Variants in ABLIM2 observed in about 807,000 individuals in gnomAD.
ABLIM2 encodes the protein actin-binding LIM protein 2.
In ABLIM2, 53 loss-of-function variants were observed where a neutral mutation model predicts 97.7. That is an observed-to-expected ratio of 0.54 (90% CI 0.44 to 0.68). The LOEUF is 0.68. Ranked by LOEUF, ABLIM2 falls within the 30% of genes least tolerant of loss-of-function variation. The pLI is 0.00. For missense variants in ABLIM2, 835 were observed against 867.2 expected (o/e 0.96, Z 0.47); for synonymous variants, 361 against 345.8 (o/e 1.04, Z -0.49).
chr4:8,086,504 C>T (rs1823764591), intron 4 of ABLIM2, among the ~76,000 whole-genome samples: 2 of 152,234 alleles, frequency 1.3e-5, no homozygotes, highest in South Asian at 4.1e-4. Flanking sequence ...GGCACTACCA[C>T]ACCAGGCTAA....
chr4:8,114,577 C>T (rs1439587054), intron 1 of ABLIM2, among the ~76,000 whole-genome samples: 2 of 152,190 alleles, frequency 1.3e-5, no homozygotes, highest in African/African-American at 4.8e-5. Context: ...CCTTCCTAAC[C>T]TACTTAAGGG....
intron 6 of ABLIM2, among the ~76,000 whole-genome samples, chr4:8,065,504 C>T (rs915702845): frequency 5.9e-5 from 9 of 152,208 alleles, no homozygotes; most frequent in African/African-American, 1.9e-4. Flanking sequence ...CTGATGGAAA[C>T]ACAAAACAGT....
chr4:8,100,068 G>C (rs4631023), intron 2 of ABLIM2, among the ~76,000 whole-genome samples: 17,343 of 152,178 alleles, frequency 0.11, 2,152 homozygotes, highest in African/African-American at 0.31. Context: ...TCATTTACGA[G>C]AAACAGGCAG....
chr4:8,134,752 G>A (rs921278151), intron 1 of ABLIM2, among the ~76,000 whole-genome samples: 2 of 152,222 alleles, frequency 1.3e-5, no homozygotes, highest in African/African-American at 2.4e-5. Flanking sequence ...GACCAGGGAC[G>A]AGGGACTTGT....
At chr4:8,064,141 G>T (rs1346764823) in intron 6 of ABLIM2, among the ~76,000 whole-genome samples, 1 of 152,226 alleles carries the variant, frequency 6.6e-6, no homozygotes. Context: ...TCTCGCCATT[G>T]CTCCACAAGC....
chr4:8,131,869 T>TGA (rs1849475865), intron 1 of ABLIM2, among the ~76,000 whole-genome samples: 2 of 104,226 alleles, frequency 1.9e-5, no homozygotes, highest in African/African-American at 7.7e-5. Context: ...CCGCATCCCC[T>TGA]GCACAGCAGC....
At position 8,142,371 on chromosome 4, in the gene ABLIM2, G is replaced by A. The variant is rs1380380226; in HGVS notation, c.10+16309C>T. ...CATCACCCCTGGGGCCAGCACCGAG[G>A]TGCAGCCCAGGGGGTGCACTGGCAG... On this transcript the variant is annotated intron_variant, in intron 1 of 20. Coordinates refer to ENST00000447017, the MANE Select transcript of ABLIM2 (RefSeq NM_001130083.2). Among the ~76,000 whole-genome samples the A allele has an allele frequency of 3.3e-5, 5 of 152,330 alleles. No homozygotes were observed. The South Asian group carries it at 6.2e-4, about 19-fold the overall frequency.
At chr4:8,139,333 A>G (rs999630785) in intron 1 of ABLIM2, among the ~76,000 whole-genome samples, 1 of 152,142 alleles carries the variant, frequency 6.6e-6, no homozygotes, top group African/African-American at 2.4e-5. Context: ...ATGAAATGGG[A>G]GAAAATTTTT....
At chr4:8,024,115 G>A (rs1775767175) in intron 12 of ABLIM2, among the ~76,000 whole-genome samples, 1 of 152,200 alleles carries the variant, frequency 6.6e-6, no homozygotes, top group Non-Finnish European at 1.5e-5. Context: ...TCTGGGCAGT[G>A]GAGGGTGCGG....
intron 1 of ABLIM2, among the ~76,000 whole-genome samples, chr4:8,108,599 C>A (rs748236631): frequency 2.7e-4 from 41 of 152,262 alleles, no homozygotes; most frequent in Non-Finnish European, 5.0e-4. Flanking sequence ...CTAATTCGTG[C>A]CCCCGCTTTC....
At chr4:7,971,142 T>G (rs1019795749) in intron 20 of ABLIM2, among the ~76,000 whole-genome samples, 2 of 152,016 alleles carry the variant, frequency 1.3e-5, no homozygotes, top group African/African-American at 4.8e-5. Context: ...GGCTCAAAGG[T>G]CCTTACTCTG....
chr4:8,003,757 G>A lies in ABLIM2; in HGVS notation c.1618+4302C>T, dbSNP rs984842643. Among the ~76,000 whole-genome samples the A allele has an allele frequency of 1.3e-4, 19 of 151,936 alleles. No individual in the cohort carries two copies. The highest frequency in any genetic ancestry group is 2.9e-5 in the Non-Finnish European group (2 of 67,984). On this transcript the variant is annotated intron_variant, in intron 16 of 20. Transcript: ENST00000447017. The surrounding 1 kb of genome is among the most constrained non-coding windows in gnomAD (Gnocchi z 4.2). ...ATTTTTTGTGTTTAGTAGAGACGGG[G>A]TTTCACCATGTTGGTCAGGCTGGTC...
At position 8,004,761 on chromosome 4, in the gene ABLIM2, A is replaced by G. The variant is rs1001570739; in HGVS notation, c.1618+3298T>C. On this transcript the variant is annotated intron_variant, in intron 16 of 20. Transcript: ENST00000447017. This position sits in a 1 kb window ranked among gnomAD's most constrained non-coding sequence, Gnocchi z 5.9. ...CAATAGCCTCCCTTCCTGTGCAGAA[A>G]TCAGGTGCACTGATAATATAAACTA... 6.6e-6 allele frequency among the ~76,000 whole-genome samples: 1 copy of G among 152,246 alleles called. No homozygotes were observed. The highest frequency in any genetic ancestry group is 1.5e-5 in the Non-Finnish European group (1 of 68,036).
At chr4:8,096,689 T>C (rs1474762716) in intron 3 of ABLIM2, among the ~76,000 whole-genome samples, 1 of 152,226 alleles carries the variant, frequency 6.6e-6, no homozygotes, top group African/African-American at 2.4e-5. Flanking sequence ...AACAGAACAT[T>C]TCCTCTGGGA....
At chr4:7,973,805 G>A (rs577026156) in intron 20 of ABLIM2, among the ~76,000 whole-genome samples, 9 of 152,132 alleles carry the variant, frequency 5.9e-5, no homozygotes, top group African/African-American at 1.9e-4. Flanking sequence ...TCCACCTTGC[G>A]TTCTGAGATG....
rs1331509325 is a variant in ABLIM2, at chr4:8,122,736, T to C, written c.11-16099A>G. Among the ~76,000 whole-genome samples, 2 of 152,170 alleles carry C rather than the reference T, an allele frequency of 1.3e-5. No homozygotes were observed. Among genetic ancestry groups the C allele is most frequent in the East Asian group, 1.9e-4 (1 of 5,188 alleles). Reference sequence around the variant, plus strand: ...TGCCACTTTAGTCCACTTGCCACTTTAGTTCTTTTCATCCTGCACAGCTGG... The same window carrying C: ...TGCCACTTTAGTCCACTTGCCACTTCAGTTCTTTTCATCCTGCACAGCTGG... On this transcript the variant is annotated intron_variant, in intron 1 of 20. Transcript: ENST00000447017. This position sits in a 1 kb window ranked among gnomAD's most constrained non-coding sequence, Gnocchi z 4.1.
rs191785889 is a variant in ABLIM2 at position 7,980,409 on chromosome 4, G to A, written c.1824+2855C>T. Reference sequence around the variant, plus strand: ...TTGTACCCCTAAATATATATTTTTTGGCATATTTTAAAATGGCTCTGCAGG... The same window carrying A: ...TTGTACCCCTAAATATATATTTTTTAGCATATTTTAAAATGGCTCTGCAGG... On this transcript the variant is annotated intron_variant, in intron 20 of 20. Coordinates refer to ENST00000447017, the MANE Select transcript of ABLIM2 (RefSeq NM_001130083.2). Among the ~76,000 whole-genome samples the A allele has an allele frequency of 2.4e-4, 37 of 152,094 alleles. 1 individual carries two copies. The East Asian group carries it at 6.4e-3, about 26-fold the overall frequency.
In ABLIM2 at chr4:8,019,648, A is replaced by G. The variant is rs750405362; in HGVS notation, c.1393T>C (p.Tyr465His). ...TGTCTGTAGATAGGGGGTTTCCTATAGATGTTATCTTTTACGCCAGTGTCT... is the reference window on the plus strand; with the variant it reads ...TGTCTGTAGATAGGGGGTTTCCTATGGATGTTATCTTTTACGCCAGTGTCT... The part of the protein sequence containing the change: ...VPDTGVKDNI[Y>H]RKPPIYRQHA... Residue 465 changes from tyrosine (Y) to histidine (H), a missense_variant, in exon 14 of 21, where the codon TAT becomes CAT. Transcript: ENST00000447017. This position sits in a 1 kb window ranked among gnomAD's most constrained non-coding sequence, Gnocchi z 4.3. 1 of 1,612,628 alleles carries G rather than the reference A, an allele frequency of 6.2e-7. No homozygotes were observed. Among genetic ancestry groups the G allele is most frequent in the South Asian group, 1.1e-5 (1 of 90,742 alleles).
In ABLIM2 at chr4:8,147,336, G is replaced by A. The variant is rs748004744; in HGVS notation, c.10+11344C>T. ...CAGGGAGAAGAAAAGGTATTGACCC[G>A]GTAAACAGGATGCACCAAGAGACTA... On this transcript the variant is annotated intron_variant, in intron 1 of 20. Coordinates refer to ENST00000447017, the MANE Select transcript of ABLIM2 (RefSeq NM_001130083.2). The surrounding 1 kb of genome is among the most constrained non-coding windows in gnomAD (Gnocchi z 5.3). 3.3e-5 allele frequency among the ~76,000 whole-genome samples: 5 copies of A among 152,232 alleles called. No homozygotes were observed. In the East Asian group the frequency reaches 5.8e-4, roughly 18 times the overall value.
Sources: allele counts gnomAD v4.1 joint callset (sites outside exome capture counted in the v4.1 genomes callset), GRCh38; gene constraint gnomAD v4.1.1; non-coding constraint Gnocchi (gnomAD v3.1); transcripts MANE v1.5; gene names NCBI Gene and HGNC (gene_info 2026-07-23, HGNC 2026-07-21).